Variants in ZAR1 observed in about 807,000 individuals in gnomAD.
The protein encoded by ZAR1 is zygote arrest protein 1.
Under a neutral mutation model 38.3 loss-of-function variants are expected in ZAR1, and 37 were observed. That is an observed-to-expected ratio of 0.97 (90% confidence interval 0.74 to 1.27). The LOEUF (loss-of-function observed/expected upper bound fraction) is 1.27. ZAR1 is among the 50% of genes most tolerant of loss of function. The pLI, the probability that ZAR1 is intolerant of heterozygous loss-of-function variation, is 0.00. For synonymous variants in ZAR1, 336 were observed against 292.0 expected (o/e 1.15, Z -1.53); for missense variants, 651 against 632.4 (o/e 1.03, Z -0.32).
chr4:48,490,331 T>A lies in ZAR1; in HGVS notation c.40T>A (p.Phe14Ile), dbSNP rs778836173. The change falls in exon 1 of 4, where the codon TTC becomes ATC. Residue 14 changes from phenylalanine to isoleucine, a missense_variant. This residue lies in a region of ZAR1 where 522 missense variants were observed against 459.9 expected (regional missense o/e 1.14). Transcript: ENST00000327939. ...LGDEVLDGYV[F>I]PACPPCSYRY... The stretch of plus-strand genomic sequence containing the variant: ...GGACGAGGTGCTGGACGGTTACGTG[T>A]TCCCGGCGTGCCCCCCCTGCTCGTA... The A allele has an allele frequency of 6.6e-7, 1 of 1,513,768 alleles. No homozygotes were observed. Among genetic ancestry groups the A allele is most frequent in the South Asian group, 1.2e-5 (1 of 82,258 alleles). 93.8% of individuals were successfully genotyped at this position (1,513,768 alleles called of 1,614,324 possible).
downstream of ZAR1, among the ~76,000 whole-genome samples, chr4:48,494,598 C>CT (rs1451638001): frequency 6.6e-6 from 1 of 151,920 alleles, no homozygotes; most frequent in Non-Finnish European, 1.5e-5. Context: ...GTCTGGAGGA[C>CT]TGAAGCTTAG....
At chr4:48,493,781 C>T (rs191009080) in intron 3 of ZAR1, among the ~76,000 whole-genome samples, 1 of 152,362 alleles carries the variant, frequency 6.6e-6, no homozygotes. Flanking sequence ...GCCTTAACCA[C>T]TCTGCTCTTG....
intron 3 of ZAR1, 24 bp from the exon 4 acceptor site, chr4:48,494,077 C>T (rs370893748): frequency 6.2e-7 from 1 of 1,606,394 alleles, no homozygotes; most frequent in Non-Finnish European, 8.5e-7. Context: ...CTTCTGCATG[C>T]CCTTCTGTAT....
chr4:48,496,698 T>C (rs1271650145), downstream of ZAR1, among the ~76,000 whole-genome samples: 5 of 152,268 alleles, frequency 3.3e-5, no homozygotes, highest in African/African-American at 1.2e-4. Flanking sequence ...TGTGAATAGA[T>C]TTTAAGTTGA....
rs1434039416 is a variant in ZAR1, at chr4:48,491,015, G to C, written c.724G>C (p.Asp242His). 10 of 1,365,210 alleles carry C rather than the reference G, an allele frequency of 7.3e-6. No individual in the cohort carries two copies. The East Asian group carries it at 2.8e-4, about 38-fold the overall frequency. 84.6% of individuals were successfully genotyped at this position (1,365,210 alleles called of 1,614,324 possible). A position where few individuals can be genotyped will look rare whatever the true frequency, so the allele number is the denominator to read the frequency against. ...GCCCCGGCGGCCGCAGTCCGACGAC[G>C]ACGGCGAGGCCCAGGCCGCAGTCCG... ...KAPRRPQSDD[D>H]GEAQAAVRAS... Residue 242 changes from aspartate (D) to histidine (H), a missense_variant, in exon 1 of 4, where the codon GAC becomes CAC. By Grantham distance (81) the Asp-to-His change is moderately conservative (BLOSUM62 -1). Coordinates refer to ENST00000327939, the MANE Select transcript of ZAR1 (RefSeq NM_175619.3).
downstream of ZAR1, among the ~76,000 whole-genome samples, chr4:48,495,404 C>T (rs1718558271): frequency 6.6e-6 from 1 of 152,126 alleles, no homozygotes; most frequent in Admixed American, 6.5e-5. Flanking sequence ...TAAAAGGGAC[C>T]AAAGTGAGTT....
chr4:48,494,695 A>C (rs981928828), downstream of ZAR1, among the ~76,000 whole-genome samples: 5 of 152,186 alleles, frequency 3.3e-5, no homozygotes, highest in African/African-American at 1.2e-4. Flanking sequence ...ATCTCAAAAA[A>C]AAAAAGCTGC....
chr4:48,491,065 C>A lies in ZAR1; in HGVS notation c.774C>A (p.Asp258Glu). 1 of 1,312,798 alleles carries A rather than the reference C, an allele frequency of 7.6e-7. No individual in the cohort carries two copies. The highest frequency in any genetic ancestry group is 9.7e-7 in the Non-Finnish European group (1 of 1,035,382). The allele number at this position is 1,312,798 out of a possible 1,614,324, so 81.3% of individuals were successfully genotyped here. The change falls in exon 1 of 4, where the codon GAC becomes GAA. Residue 258 changes from aspartate to glutamate, a missense_variant. Transcript: ENST00000327939. The stretch of plus-strand genomic sequence containing the variant: ...GAGCGAGCTGGGAGCAGCCGGCCGA[C>A]GGTCCCGAGCTGCCGCCGCGAGAGG... ...AVRASWEQPADGPELPPREAQ... is the reference protein window; with the variant it reads ...AVRASWEQPAEGPELPPREAQ...
intron 1 of ZAR1, among the ~76,000 whole-genome samples, chr4:48,492,151 A>G (rs371423678): frequency 3.9e-5 from 6 of 151,994 alleles, no homozygotes; most frequent in African/African-American, 1.4e-4. Context: ...CTCACAGGTG[A>G]GCAGACTGAA....
chr4:48,492,790 T>TA lies in ZAR1; in HGVS notation c.989dup (p.Tyr330Ter), dbSNP rs1718481142. Residue 330 changes from tyrosine (Y) to a stop codon, truncating the protein, a stop_gained and frameshift_variant, in exon 2 of 4, where the codon TAC becomes TAAC. Transcript: ENST00000327939. LOFTEE classifies it high-confidence loss of function. ...FQFLEQKYGY[Y>*]HCKDCNIRWE... ...GTTCTTAGAGCAGAAATATGGCTATTACCACTGCAAGGACTGCAACATCCG... is the reference window on the plus strand; with the variant it reads ...GTTCTTAGAGCAGAAATATGGCTATTAACCACTGCAAGGACTGCAACATCCG... The TA allele has an allele frequency of 6.8e-6, 11 of 1,614,212 alleles. No individual in the cohort carries two copies. The highest frequency in any genetic ancestry group is 8.5e-6 in the Non-Finnish European group (10 of 1,180,032).
intron 1 of ZAR1, among the ~76,000 whole-genome samples, chr4:48,491,873 G>C (rs1718454487): frequency 1.3e-5 from 2 of 152,238 alleles, no homozygotes; most frequent in Non-Finnish European, 2.9e-5. Context: ...AGGGCAGCAG[G>C]CTGAAACTTT....
chr4:48,490,674 A>C lies in ZAR1; in HGVS notation c.383A>C (p.Gln128Pro), dbSNP rs1718401824. ...VQCSLGRRTL[Q>P]RRARDPESPA... Reference sequence around the variant, plus strand: ...TGCTCGCTGGGGAGGCGCACGCTGCAGCGCCGGGCCCGCGACCCCGAGTCC... The same window carrying C: ...TGCTCGCTGGGGAGGCGCACGCTGCCGCGCCGGGCCCGCGACCCCGAGTCC... The change falls in exon 1 of 4, where the codon CAG (glutamine) becomes CCG (proline). Residue 128 changes from glutamine (Q) to proline (P), a missense_variant. Gln to Pro is a moderately conservative substitution (Grantham distance 76, BLOSUM62 -1). Around this residue, in one of 2 missense-constraint regions of ZAR1, gnomAD observed 522 missense variants for 459.9 expected, o/e 1.14. Transcript: ENST00000327939. 7.6e-7 allele frequency: 1 copy of C among 1,317,498 alleles called. No individual in the cohort carries two copies. The highest frequency in any genetic ancestry group is 2.1e-5 in the South Asian group (1 of 47,852). 81.6% of individuals were successfully genotyped at this position (1,317,498 alleles called of 1,614,324 possible). A position where few individuals can be genotyped will look rare whatever the true frequency, so the allele number is the denominator to read the frequency against.
Position 48,493,671 on chromosome 4 carries a change from T to A in ZAR1, c.1132-430T>A, listed in dbSNP as rs534197097. Among the ~76,000 whole-genome samples, 7 of 152,326 alleles carry A rather than the reference T, an allele frequency of 4.6e-5. No homozygotes were observed. The East Asian group carries it at 1.3e-3, about 29-fold the overall frequency. On this transcript the variant is annotated intron_variant, in intron 3 of 3. Coordinates refer to ENST00000327939, the MANE Select transcript of ZAR1 (RefSeq NM_175619.3). ...CAATACACTTGACCCACGTTGGATATTTAAAAGCATTAACACCCTGGGGTG... is the reference window on the plus strand; with the variant it reads ...CAATACACTTGACCCACGTTGGATAATTAAAAGCATTAACACCCTGGGGTG...
downstream of ZAR1, among the ~76,000 whole-genome samples, chr4:48,496,870 T>A (rs1339285244): frequency 1.3e-5 from 2 of 152,200 alleles, no homozygotes; most frequent in Admixed American, 6.5e-5. Flanking sequence ...TACTGTCGTC[T>A]TTCTCCTTTT....
chr4:48,492,665 G>C, intron 1 of ZAR1, 101 bp from the exon 2 acceptor site: 3 of 1,157,956 alleles, frequency 2.6e-6, no homozygotes, highest in Non-Finnish European at 3.8e-6. Context: ...TTCATGATCT[G>C]AAGTTGCCAA....
chr4:48,490,369 C>T lies in ZAR1; in HGVS notation c.78C>T (p.Tyr26=), dbSNP rs1045203382. Residue 26 remains tyrosine, a synonymous_variant, in exon 1 of 4, where the codon TAC becomes TAT. Coordinates refer to ENST00000327939, the MANE Select transcript of ZAR1 (RefSeq NM_175619.3). ...CCCCCTGCTCGTACCGGTACCCATA[C>T]CCCGCGGCCACCAAGGGCAAGGGCG... ...ACPPCSYRYP[Y]PAATKGKGAA... The T allele has an allele frequency of 2.2e-5, 33 of 1,505,640 alleles. No homozygotes were observed. The highest frequency in any genetic ancestry group is 2.7e-5 in the Non-Finnish European group (31 of 1,133,736). 93.3% of individuals were successfully genotyped at this position (1,505,640 alleles called of 1,614,324 possible).
intron 3 of ZAR1, among the ~76,000 whole-genome samples, chr4:48,493,393 A>C (rs1718497821): frequency 6.6e-6 from 1 of 152,202 alleles, no homozygotes; most frequent in African/African-American, 2.4e-5. Flanking sequence ...AAAGTACTTA[A>C]GCACAGGGGG....
downstream of ZAR1, among the ~76,000 whole-genome samples, chr4:48,495,394 T>TA (rs1304766022): frequency 6.6e-6 from 1 of 152,174 alleles, no homozygotes; most frequent in Non-Finnish European, 1.5e-5. Context: ...GGACACTTGT[T>TA]AAAAGGGACC....
intron 1 of ZAR1, among the ~76,000 whole-genome samples, chr4:48,492,127 G>A (rs2148674237): frequency 1.3e-5 from 2 of 152,254 alleles, no homozygotes; most frequent in South Asian, 4.1e-4. Context: ...TAACCTTCCT[G>A]GACTTAGCGC....
Sources: allele counts gnomAD v4.1 joint callset (sites outside exome capture counted in the v4.1 genomes callset), GRCh38; gene constraint gnomAD v4.1.1; regional missense constraint gnomAD v4.1.1; transcripts MANE v1.5; gene names NCBI Gene and HGNC (gene_info 2026-07-23, HGNC 2026-07-21).